Variants in ADCY1 observed in about 807,000 individuals in gnomAD.
ADCY1 encodes the protein adenylate cyclase type 1.
In ADCY1, 28 loss-of-function variants were observed where a neutral mutation model predicts 105.4. The observed-to-expected ratio is 0.27, with a 90% CI of 0.20 to 0.36. ADCY1 has a LOEUF of 0.36. Among genes scored for constraint, ADCY1 ranks in the 10% least tolerant of loss-of-function variants. The pLI is 1.00. For missense variants in ADCY1, 977 were observed against 1,434.2 expected (o/e 0.68, Z 5.15); for synonymous variants, 655 against 623.8 (o/e 1.05, Z -0.75).
At chr7:45,621,099 C>A (rs1248699522) in intron 3 of ADCY1, among the ~76,000 whole-genome samples, 5 of 152,150 alleles carry the variant, frequency 3.3e-5, no homozygotes, top group Non-Finnish European at 7.3e-5. Flanking sequence ...CGGGGTTCCA[C>A]TGTGTCTCCC....
intron 4 of ADCY1, among the ~76,000 whole-genome samples, chr7:45,625,457 G>T (rs1036801355): frequency 2.0e-5 from 3 of 152,160 alleles, no homozygotes; most frequent in Non-Finnish European, 4.4e-5. Flanking sequence ...ATGTGTGTGA[G>T]TGTGCACATA....
At chr7:45,620,960 T>C (rs1793874072) in intron 3 of ADCY1, among the ~76,000 whole-genome samples, 1 of 152,186 alleles carries the variant, frequency 6.6e-6, no homozygotes. Flanking sequence ...CAGCTCCATA[T>C]CTGACTTCCC....
In ADCY1 at chr7:45,574,578, G is replaced by T; in HGVS notation, c.35G>T (p.Gly12Val). The change falls in exon 1 of 20, where the codon GGA (glycine) becomes GTA (valine). Residue 12 changes from glycine to valine, a missense_variant. Around this residue, in one of 7 missense-constraint regions of ADCY1, gnomAD observed 209 missense variants for 222.5 expected, o/e 0.94. Coordinates refer to ENST00000297323, the MANE Select transcript of ADCY1 (RefSeq NM_021116.4). This position sits in a 1 kb window ranked among gnomAD's most constrained non-coding sequence, Gnocchi z 7.0. ...GCGCCGCGCGGCGGAGGCGGCGGCG[G>T]AGGCGGCGCGGGCGAGCCCGGGGGC... ...AGAPRGGGGGGGGAGEPGGAE... is the reference protein window; with the variant it reads ...AGAPRGGGGGVGGAGEPGGAE... 1.0e-6 allele frequency: 1 copy of T among 1,002,856 alleles called. No individual in the cohort carries two copies. Among genetic ancestry groups the T allele is most frequent in the East Asian group, 1.0e-4 (1 of 9,738 alleles). The allele number at this position is 1,002,856 out of a possible 1,614,324, so 62.1% of individuals were successfully genotyped here.
At chr7:45,640,834 G>T (rs1269909272) in intron 4 of ADCY1, among the ~76,000 whole-genome samples, 1 of 152,044 alleles carries the variant, frequency 6.6e-6, no homozygotes, top group Admixed American at 6.5e-5. Flanking sequence ...TGCTTATCAG[G>T]TTGCTCATTT....
At chr7:45,704,387 C>A in intron 16 of ADCY1, 131 bp from the exon 17 acceptor site, 1 of 733,292 alleles carries the variant, frequency 1.4e-6, no homozygotes, top group Non-Finnish European at 2.3e-6. Flanking sequence ...ACTTGTCTGC[C>A]CAAAGCAAAG....
chr7:45,666,196 T>TA (rs1340037081), intron 8 of ADCY1, among the ~76,000 whole-genome samples: 1 of 152,192 alleles, frequency 6.6e-6, no homozygotes, highest in Admixed American at 6.5e-5. Flanking sequence ...GCAGGTTAGT[T>TA]ACATATGTAT....
rs1360318471 is a variant in ADCY1 at position 45,710,396 on chromosome 7, C to T, written c.2933-132C>T. On this transcript the variant is annotated intron_variant, in intron 18 of 19. Coordinates refer to ENST00000297323, the MANE Select transcript of ADCY1 (RefSeq NM_021116.4). The surrounding 1 kb of genome is among the most constrained non-coding windows in gnomAD (Gnocchi z 4.7). ...CAGGAAGGAGCCTGGTGCTAGGTGA[C>T]CCCAGGAAACAAAGCCCTGAAAGGA... is the stretch of plus-strand genomic sequence containing the variant. 2 of 1,331,172 alleles carry T rather than the reference C, an allele frequency of 1.5e-6. No individual in the cohort carries two copies. The highest frequency in any genetic ancestry group is 1.5e-5 in the African/African-American group (1 of 67,826). The allele number at this position is 1,331,172 out of a possible 1,614,324, so 82.5% of individuals were successfully genotyped here. A position where few individuals can be genotyped will look rare whatever the true frequency, so the allele number is the denominator to read the frequency against.
rs1014886904 is a variant in ADCY1 at position 45,717,465 on chromosome 7, TA to T, written c.*3471del. 1.2e-4 allele frequency: 18 copies of T among 152,632 alleles called. No individual in the cohort carries two copies. Among genetic ancestry groups the T allele is most frequent in the Admixed American group, 6.5e-4 (10 of 15,282 alleles). The allele number at this position is 152,632 out of a possible 1,614,324, so 9.5% of individuals were successfully genotyped here. A position where few individuals can be genotyped will look rare whatever the true frequency, so the allele number is the denominator to read the frequency against. ...TTTTTAATCATGTACAATATTCATG[TA>T]CAAATGTTAGAGCCATTCGGGTAGG... On this transcript the variant is annotated 3_prime_UTR_variant, in exon 20 of 20. Coordinates refer to ENST00000297323, the MANE Select transcript of ADCY1 (RefSeq NM_021116.4).
chr7:45,612,022 C>T (rs537274402), intron 3 of ADCY1, among the ~76,000 whole-genome samples: 1 of 152,294 alleles, frequency 6.6e-6, no homozygotes, highest in Admixed American at 6.5e-5. Context: ...AGTCAGTCAT[C>T]CTTGTGTGCC....
In ADCY1 at chr7:45,639,382, G is replaced by A. The variant is rs573943979; in HGVS notation, c.1021-9288G>A. Among the ~76,000 whole-genome samples the A allele has an allele frequency of 1.3e-4, 20 of 152,332 alleles. 2 individuals carry two copies. The South Asian group carries it at 4.1e-3, about 32-fold the overall frequency. ...CTCATTCCACCTTCACCTGTGGAGG[G>A]ACAGGGCCCCTTCTCTGGATGTCAG... On this transcript the variant is annotated intron_variant, in intron 4 of 19. Transcript: ENST00000297323.
intron 14 of ADCY1, among the ~76,000 whole-genome samples, chr7:45,700,427 C>T (rs1398868783): frequency 5.3e-5 from 8 of 152,138 alleles, no homozygotes; most frequent in East Asian, 1.9e-4. Flanking sequence ...TTCCTCTAAC[C>T]TTGGGGCTGA....
chr7:45,690,292 G>T (rs1161112776), intron 14 of ADCY1, among the ~76,000 whole-genome samples: 3 of 152,180 alleles, frequency 2.0e-5, no homozygotes, highest in Non-Finnish European at 1.5e-5. Context: ...GAGTTCAGGA[G>T]CCCTTATGAT....
intron 14 of ADCY1, among the ~76,000 whole-genome samples, chr7:45,689,380 G>A (rs995939792): frequency 7.9e-5 from 12 of 152,116 alleles, no homozygotes; most frequent in African/African-American, 2.2e-4. Flanking sequence ...AGTTCTACAG[G>A]CTGTACCAAC....
chr7:45,687,345 C>T (rs1005422633), intron 14 of ADCY1, among the ~76,000 whole-genome samples: 10 of 152,212 alleles, frequency 6.6e-5, no homozygotes. Flanking sequence ...ACCTTGAGTT[C>T]CTGCTGCGGA....
At chr7:45,683,540 G>A (rs998304756) in intron 11 of ADCY1, among the ~76,000 whole-genome samples, 3 of 152,176 alleles carry the variant, frequency 2.0e-5, no homozygotes, top group African/African-American at 7.2e-5. Flanking sequence ...CATAGGTACA[G>A]GCTGGGAGAG....
At chr7:45,706,489 A>G (rs1217879086) in intron 17 of ADCY1, among the ~76,000 whole-genome samples, 4 of 76,880 alleles carry the variant, frequency 5.2e-5, no homozygotes, top group African/African-American at 1.9e-4. Context: ...TGGACATCAC[A>G]TGCAAAAAAA....
chr7:45,574,758 C>CGGGCGCGCTGGCGCTGGCCGAGCTGCT lies in ADCY1; in HGVS notation c.224_250dup (p.Leu75_Ala83dup). On this transcript the variant is annotated inframe_insertion, in exon 1 of 20. Coordinates refer to ENST00000297323, the MANE Select transcript of ADCY1 (RefSeq NM_021116.4). This position sits in a 1 kb window ranked among gnomAD's most constrained non-coding sequence, Gnocchi z 7.0. ...GCGCTGGCCGTTCTCAGCCTGCTGG[C>CGGGCGCGCTGGCGCTGGCCGAGCTGCT]GGGCGCGCTGGCGCTGGCCGAGCTG... 2 of 1,435,572 alleles carry CGGGCGCGCTGGCGCTGGCCGAGCTGCT rather than the reference C, an allele frequency of 1.4e-6. No individual in the cohort carries two copies. Among genetic ancestry groups the CGGGCGCGCTGGCGCTGGCCGAGCTGCT allele is most frequent in the Non-Finnish European group, 1.8e-6 (2 of 1,104,414 alleles). The allele number at this position is 1,435,572 out of a possible 1,614,324, so 88.9% of individuals were successfully genotyped here.
rs1793500895 is a variant in ADCY1 at position 45,610,388 on chromosome 7, C to A, written c.799C>A (p.Leu267Ile). Residue 267 changes from leucine (L) to isoleucine (I), a missense_variant, in exon 3 of 20, where the codon CTC becomes ATC. By Grantham distance (5) the Leu-to-Ile change is conservative. This residue lies in a region of ADCY1 where 196 missense variants were observed against 347.8 expected (regional missense o/e 0.56). Transcript: ENST00000297323. ...CTTCTCTTCTGTCCAGGAGCGGCTC[C>A]TCATGAGCCTCCTGCCCCGGAACGT... ...EDENEKQERL[L>I]MSLLPRNVAM... 2 of 1,613,654 alleles carry A rather than the reference C, an allele frequency of 1.2e-6. No homozygotes were observed. The highest frequency in any genetic ancestry group is 1.7e-6 in the Non-Finnish European group (2 of 1,179,940).
chr7:45,693,442 C>T (rs1286533946), intron 14 of ADCY1, among the ~76,000 whole-genome samples: 8 of 143,908 alleles, frequency 5.6e-5, no homozygotes, highest in East Asian at 4.0e-4. Flanking sequence ...TGGTAGAATT[C>T]GGCTGTGAAT....
Sources: gnomAD v4.1 joint callset for allele counts (sites outside exome capture counted in the v4.1 genomes callset) on GRCh38, gnomAD v4.1.1 for gene constraint, gnomAD v4.1.1 regional missense constraint, Gnocchi (gnomAD v3.1) non-coding constraint, MANE v1.5 for transcripts, NCBI Gene and HGNC (gene_info 2026-07-23, HGNC 2026-07-21) for gene names.